Variants in ZNF385D observed in about 807,000 individuals in gnomAD.
ZNF385D encodes zinc finger protein 385D.
A neutral mutation model predicts 35.8 loss-of-function variants in ZNF385D; 15 were observed. The observed-to-expected ratio is 0.42, with a 90% confidence interval of 0.28 to 0.64. The LOEUF is 0.64. Ranked by LOEUF, ZNF385D falls within the 30% of genes least tolerant of loss-of-function variation. The pLI, the probability that ZNF385D is intolerant of heterozygous loss-of-function variation, is 0.23. For missense variants in ZNF385D, 474 were observed against 494.6 expected (o/e 0.96, Z 0.39); for synonymous variants, 212 against 186.8 (o/e 1.13, Z -1.10).
intron 2 of ZNF385D, among the ~76,000 whole-genome samples, chr3:21,574,218 T>C (rs898511844): frequency 1.3e-5 from 2 of 152,112 alleles, no homozygotes; most frequent in African/African-American, 4.8e-5. Flanking sequence ...GACAAAAATA[T>C]AGAACTTGAA....
chr3:22,319,791 C>T (rs1278891431), intron 2 of ZNF385D, among the ~76,000 whole-genome samples: 2 of 152,166 alleles, frequency 1.3e-5, no homozygotes, highest in East Asian at 3.8e-4. Flanking sequence ...ATATTGCACA[C>T]AACTTTCCTT....
chr3:21,776,177 TTAGA>T (rs1413444968), intron 3 of ZNF385D, among the ~76,000 whole-genome samples: 1 of 151,926 alleles, frequency 6.6e-6, no homozygotes. Flanking sequence ...TTTTGGACAC[TTAGA>T]TATTTTCCAA....
At chr3:22,252,684 T>C (rs898225876) in intron 2 of ZNF385D, among the ~76,000 whole-genome samples, 1 of 152,080 alleles carries the variant, frequency 6.6e-6, no homozygotes, top group Non-Finnish European at 1.5e-5. Flanking sequence ...CTTTGGCTAC[T>C]GAAGGCTGAT....
At chr3:22,348,749 G>A (rs931370220) in intron 2 of ZNF385D, among the ~76,000 whole-genome samples, 1 of 152,128 alleles carries the variant, frequency 6.6e-6, no homozygotes, top group Non-Finnish European at 1.5e-5. Flanking sequence ...GGAATATCAT[G>A]TGAAGAGTCT....
At chr3:22,254,225 C>T (rs1241797334) in intron 2 of ZNF385D, among the ~76,000 whole-genome samples, 1 of 151,614 alleles carries the variant, frequency 6.6e-6, no homozygotes, top group African/African-American at 2.4e-5. Flanking sequence ...TTAAAATGAG[C>T]AATAAATATT....
chr3:21,718,125 G>A (rs2068395619), intron 1 of ZNF385D, among the ~76,000 whole-genome samples: 1 of 152,182 alleles, frequency 6.6e-6, no homozygotes, highest in African/African-American at 2.4e-5. Flanking sequence ...AAAGTGAACA[G>A]GGTTGCTTGG....
At chr3:22,338,920 C>A (rs144448871) in intron 2 of ZNF385D, among the ~76,000 whole-genome samples, 3 of 151,862 alleles carry the variant, frequency 2.0e-5, no homozygotes, top group East Asian at 1.9e-4. Context: ...AGGCTCGTCT[C>A]GAACTCCTGA....
chr3:21,829,295 A>C (rs1023160500), intron 3 of ZNF385D, among the ~76,000 whole-genome samples: 2 of 152,134 alleles, frequency 1.3e-5, no homozygotes, highest in Non-Finnish European at 2.9e-5. Context: ...TGGCCAGAAA[A>C]AGTCTCTGAG....
At position 21,624,884 on chromosome 3, in the gene ZNF385D, T is replaced by C. The variant is rs113735314; in HGVS notation, c.165+40002A>G. On this transcript the variant is annotated intron_variant, in intron 2 of 7. Transcript: ENST00000281523. ...TTAAAGAACAGAGGTAAAAGTTTCC[T>C]TCTCCTTAGAGTGATCTGCCAAACC... Among the ~76,000 whole-genome samples, 1,160 of 152,158 alleles carry C rather than the reference T, an allele frequency of 7.6e-3. 13 individuals carry two copies. The highest frequency in any genetic ancestry group is 0.024 in the African/African-American group (985 of 41,532).
At chr3:22,330,228 G>T (rs1442132500) in intron 2 of ZNF385D, among the ~76,000 whole-genome samples, 1 of 152,056 alleles carries the variant, frequency 6.6e-6, no homozygotes, top group African/African-American at 2.4e-5. Flanking sequence ...ATTTTCAAGA[G>T]AAATTATGCC....
rs147032721 is a variant in ZNF385D, at chr3:21,811,976, A to G, written c.326-146948T>C. On this transcript the variant is annotated intron_variant, in intron 3 of 5. Transcript: ENST00000494108. ...GCCTTCAAAATTCTAAAGAAAGTAT[A>G]TAGAACCACCTACAAAACATTTTTG... 7.6e-3 allele frequency among the ~76,000 whole-genome samples: 1,157 copies of G among 152,344 alleles called. 10 individuals carry two copies. The highest frequency in any genetic ancestry group is 0.011 in the Non-Finnish European group (778 of 68,032).
intron 3 of ZNF385D, among the ~76,000 whole-genome samples, chr3:22,120,201 T>TA (rs1465160142): frequency 6.6e-6 from 1 of 152,002 alleles, no homozygotes; most frequent in Non-Finnish European, 1.5e-5. Flanking sequence ...CACAACAAAA[T>TA]ACCACAGACT....
chr3:22,030,551 A>G (rs1016700986), intron 3 of ZNF385D, among the ~76,000 whole-genome samples: 8 of 150,988 alleles, frequency 5.3e-5, no homozygotes, highest in African/African-American at 2.0e-4. Context: ...ATCTTGGGAA[A>G]CCTCCCTCAG....
intron 3 of ZNF385D, among the ~76,000 whole-genome samples, chr3:22,123,217 CG>C (rs1703203410): frequency 6.6e-6 from 1 of 151,850 alleles, no homozygotes; most frequent in African/African-American, 2.4e-5. Flanking sequence ...AGGGGAGAAG[CG>C]GGGGAGACTG....
Position 22,335,698 on chromosome 3 carries a change from G to A in ZNF385D, c.106+36752C>T, listed in dbSNP as rs112431324. Among the ~76,000 whole-genome samples, 99 of 152,140 alleles carry A rather than the reference G, an allele frequency of 6.5e-4. 1 individual carries two copies. The highest frequency in any genetic ancestry group is 1.6e-3 in the Admixed American group (25 of 15,272). On this transcript the variant is annotated intron_variant, in intron 2 of 5. Transcript: ENST00000494108. ...ATTGACATATATGTTTATGTGTGTC[G>A]AAGTAAAACCACCAGAAAATTAACC... is the stretch of plus-strand genomic sequence containing the variant.
intron 3 of ZNF385D, among the ~76,000 whole-genome samples, chr3:22,034,527 A>G (rs1232843457): frequency 6.6e-6 from 1 of 152,246 alleles, no homozygotes; most frequent in Non-Finnish European, 1.5e-5. Flanking sequence ...TTCTTTACAG[A>G]AAGCAATTTA....
At chr3:22,207,878 G>T (rs1005936393) in intron 2 of ZNF385D, among the ~76,000 whole-genome samples, 4 of 151,918 alleles carry the variant, frequency 2.6e-5, no homozygotes, top group Admixed American at 6.6e-5. Context: ...GCTACAATGA[G>T]ATGTCACCTC....
intron 4 of ZNF385D, among the ~76,000 whole-genome samples, chr3:21,507,359 A>G (rs1706851861): frequency 6.6e-6 from 1 of 152,114 alleles, no homozygotes; most frequent in Non-Finnish European, 1.5e-5. Flanking sequence ...TAAAATATAT[A>G]TATAATTGGA....
intron 3 of ZNF385D, among the ~76,000 whole-genome samples, chr3:21,824,686 T>A (rs1233453687): frequency 1.3e-5 from 2 of 152,092 alleles, no homozygotes; most frequent in African/African-American, 4.8e-5. Flanking sequence ...AAGTAGGAAA[T>A]GAAATTATTC....
Sources: allele counts gnomAD v4.1 joint callset (sites outside exome capture counted in the v4.1 genomes callset), GRCh38; gene constraint gnomAD v4.1.1; transcripts MANE v1.5; gene names NCBI Gene and HGNC (gene_info 2026-07-23, HGNC 2026-07-21).